Variants in SMARCA2 observed in about 807,000 individuals in gnomAD.
SMARCA2 encodes SWI/SNF-related matrix-associated actin-dependent regulator of chromatin subfamily A member 2.
SMARCA2 carries 61 observed loss-of-function variants against 199.8 expected under a neutral mutation model. The observed-to-expected ratio is 0.31, with a 90% CI of 0.25 to 0.38. SMARCA2 has a LOEUF of 0.38. SMARCA2 is among the 10% of genes least tolerant of loss of function. The probability of loss-of-function intolerance (pLI) is 1.00; values close to 1 mark genes in which losing one functional copy is unlikely to be tolerated. For missense variants in SMARCA2, 1,344 were observed against 2,012.2 expected, an observed-to-expected ratio of 0.67 and a Z score of 6.35; for synonymous variants, 935 against 732.0, an observed-to-expected ratio of 1.28 and a Z score of -4.48.
chr9:2,186,288 C>T (rs1173362577), intron 32 of SMARCA2, 60 bp downstream of exon 32: 2 of 1,528,014 alleles, frequency 1.3e-6, no homozygotes, highest in Non-Finnish European at 1.8e-6. Flanking sequence ...ATAGCTGTCT[C>T]CACAGATGTT....
At chr9:2,091,938 C>T (rs1425007100) in intron 19 of SMARCA2, among the ~76,000 whole-genome samples, 1 of 152,124 alleles carries the variant, frequency 6.6e-6, no homozygotes, top group Non-Finnish European at 1.5e-5. Flanking sequence ...AGGTCAACCG[C>T]ATAGGAAAAT....
At chr9:2,101,696 C>G (rs1822522808) in intron 22 of SMARCA2, 80 bp downstream of exon 22, 1 of 715,854 alleles carries the variant, frequency 1.4e-6, no homozygotes, top group South Asian at 1.8e-5. Flanking sequence ...AGTGTTTCCT[C>G]TTGTGCAAAT....
In SMARCA2 at chr9:2,077,746, C is replaced by G. The variant is rs565609955; in HGVS notation, c.2154C>G (p.Leu718=). Residue 718 remains leucine, a synonymous_variant, in exon 14 of 34, where the codon CTC becomes CTG. Coordinates refer to ENST00000349721, the MANE Select transcript of SMARCA2 (RefSeq NM_003070.5). ...AGAGGGTGGAGAAACAGTCTGCCCT[C>G]CTAATTAATGGGACCCTAAAGCATT... ...ISERVEKQSA[L]LINGTLKHYQ... The G allele has an allele frequency of 5.0e-6, 8 of 1,613,438 alleles. No individual in the cohort carries two copies. In the African/African-American group the frequency reaches 9.3e-5, roughly 19 times the overall value.
intron 6 of SMARCA2, among the ~76,000 whole-genome samples, chr9:2,055,857 C>T (rs539339283): frequency 3.9e-5 from 6 of 152,164 alleles, no homozygotes; most frequent in East Asian, 1.9e-4. Flanking sequence ...GTATATTTTC[C>T]GGAATATGTT....
intron 27 of SMARCA2, among the ~76,000 whole-genome samples, chr9:2,151,378 A>C (rs143141352): frequency 2.6e-5 from 4 of 151,718 alleles, no homozygotes; most frequent in African/African-American, 9.6e-5. Flanking sequence ...ATGAGATGTG[A>C]AAATGGCAAC....
chr9:2,032,898 T>G, intron 2 of SMARCA2, 54 bp from the exon 3 acceptor site: 2 of 1,546,970 alleles, frequency 1.3e-6, no homozygotes, highest in Non-Finnish European at 1.8e-6. Flanking sequence ...AAACTCCAAA[T>G]AGAAATATTT....
Position 2,170,471 on chromosome 9 carries a change from A to G in SMARCA2, c.4252A>G (p.Ser1418Gly), listed in dbSNP as rs1826188995. Residue 1418 changes from serine (S) to glycine (G), a missense_variant and splice_region_variant, in exon 29 of 34, where the codon AGT becomes GGT. By Grantham distance (56) the Ser-to-Gly change is moderately conservative. This residue lies in a region of SMARCA2 where 151 missense variants were observed against 154.0 expected (regional missense o/e 0.98). Coordinates refer to ENST00000349721, the MANE Select transcript of SMARCA2 (RefSeq NM_003070.5). This position sits in a 1 kb window ranked among gnomAD's most constrained non-coding sequence, Gnocchi z 4.7. ...SNSQLEIEGN[S>G]SGRQLSEVFI... ...TTCTCAGTTGGAAATAGAAGGAAACAGGTCAGGATCTGTCTTGTATTCCCC... is the reference window on the plus strand; with the variant it reads ...TTCTCAGTTGGAAATAGAAGGAAACGGGTCAGGATCTGTCTTGTATTCCCC... 5 of 1,614,004 alleles carry G rather than the reference A, an allele frequency of 3.1e-6. No individual in the cohort carries two copies. Among genetic ancestry groups the G allele is most frequent in the Non-Finnish European group, 4.2e-6 (5 of 1,179,990 alleles).
At chr9:2,121,010 A>T (rs1823435685) in intron 26 of SMARCA2, among the ~76,000 whole-genome samples, 1 of 152,216 alleles carries the variant, frequency 6.6e-6, no homozygotes, top group Non-Finnish European at 1.5e-5. Context: ...TTACTGGGGA[A>T]CACCCAAGCA....
Position 2,058,294 on chromosome 9 carries a change from T to C in SMARCA2, c.1351T>C (p.Tyr451His). ...ERKRRQKHQE[Y>H]LNSILQHAKD... ...CTTCCCTTTTTGGATCTTCTAGGAA[T>C]ACCTGAACAGTATTTTGCAACATGC... Residue 451 changes from tyrosine to histidine, a missense_variant, in exon 8 of 34, where the codon TAC becomes CAC. Tyr to His is a moderately conservative substitution (Grantham distance 83, BLOSUM62 2). Coordinates refer to ENST00000349721, the MANE Select transcript of SMARCA2 (RefSeq NM_003070.5). 1.2e-6 allele frequency: 2 copies of C among 1,613,930 alleles called. No homozygotes were observed. The highest frequency in any genetic ancestry group is 1.7e-6 in the Non-Finnish European group (2 of 1,179,774).
chr9:2,082,305 AGG>A (rs1563756105), intron 15 of SMARCA2, among the ~76,000 whole-genome samples: 1 of 114,542 alleles, frequency 8.7e-6, no homozygotes, highest in Non-Finnish European at 1.8e-5. Flanking sequence ...CAAAGGGGAA[AGG>A]TGTGTGTGTG....
At chr9:2,191,604 T>A in intron 33 of SMARCA2, 196 bp downstream of exon 33, 1 of 497,194 alleles carries the variant, frequency 2.0e-6, no homozygotes. Context: ...CTTTGTTTAT[T>A]GCCTTTTTAA....
In SMARCA2 at chr9:2,060,118, C is replaced by CAAAAA. The variant is rs372329238; in HGVS notation, c.1522-670_1522-666dup. On this transcript the variant is annotated intron_variant, in intron 8 of 33. Transcript: ENST00000349721. Reference sequence around the variant, plus strand: ...CCATTACTCAGTGCAGATCTGTGGCCAAAAAAAAAAAAAAAAAAAAAAAAA... The same window carrying CAAAAA: ...CCATTACTCAGTGCAGATCTGTGGCCAAAAAAAAAAAAAAAAAAAAAAAAAAAAAA... Among the ~76,000 whole-genome samples the CAAAAA allele has an allele frequency of 6.4e-3, 401 of 62,362 alleles. 18 individuals are homozygous for CAAAAA. The highest frequency in any genetic ancestry group is 0.017 in the African/African-American group (381 of 22,508). The allele number at this position is 62,362 out of a possible 152,430, so 40.9% of individuals were successfully genotyped here. A position where few individuals can be genotyped will look rare whatever the true frequency, so the allele number is the denominator to read the frequency against.
intron 2 of SMARCA2, among the ~76,000 whole-genome samples, chr9:2,029,755 A>G (rs1201592647): frequency 6.6e-6 from 1 of 152,224 alleles, no homozygotes; most frequent in Non-Finnish European, 1.5e-5. Context: ...TAAAATGCAC[A>G]TTGCTGTCTC....
At chr9:2,076,599 C>T (rs1288272030) in intron 13 of SMARCA2, among the ~76,000 whole-genome samples, 1 of 151,910 alleles carries the variant, frequency 6.6e-6, no homozygotes, top group Non-Finnish European at 1.5e-5. Flanking sequence ...CCACCTCCAG[C>T]TCAGGCTCAC....
chr9:2,039,499 C>A lies in SMARCA2; in HGVS notation c.389C>A (p.Ala130Asp), dbSNP rs758603765. The change falls in exon 4 of 34, where the codon GCC becomes GAC. Residue 130 changes from alanine (A) to aspartate (D), a missense_variant. Transcript: ENST00000349721. This position sits in a 1 kb window ranked among gnomAD's most constrained non-coding sequence, Gnocchi z 4.8. ...TCACCACACCCATCTCCATTAGGAG[C>A]CCCAGAGCACGTCTCCAGCCCTATG... is the stretch of plus-strand genomic sequence containing the variant. ...YMSPHPSPLG[A>D]PEHVSSPMSG... is the part of the protein sequence containing the mutation. 2 of 1,614,056 alleles carry A rather than the reference C, an allele frequency of 1.2e-6. No individual in the cohort carries two copies. The highest frequency in any genetic ancestry group is 2.2e-5 in the East Asian group (1 of 44,880).
intron 10 of SMARCA2, among the ~76,000 whole-genome samples, 198 bp downstream of exon 10, chr9:2,070,669 C>G (rs1289721718): frequency 1.3e-5 from 2 of 152,210 alleles, no homozygotes; most frequent in African/African-American, 4.8e-5. Context: ...ACATGTCAGA[C>G]TGTCAATCAA....
intron 27 of SMARCA2, among the ~76,000 whole-genome samples, chr9:2,139,390 G>A (rs550817806): frequency 1.2e-4 from 18 of 152,256 alleles, no homozygotes; most frequent in South Asian, 1.0e-3. Flanking sequence ...GTGGAAAATG[G>A]TCCTCATGTG....
chr9:2,032,927 A>G, intron 2 of SMARCA2, 25 bp from the exon 3 acceptor site: 3 of 1,608,868 alleles, frequency 1.9e-6, no homozygotes, highest in South Asian at 2.2e-5. Flanking sequence ...AGAGGTGTCT[A>G]ACTAATGTCC....
chr9:2,029,374 T>G, intron 2 of SMARCA2, 127 bp downstream of exon 2: 1 of 1,302,840 alleles, frequency 7.7e-7, no homozygotes, highest in Non-Finnish European at 1.0e-6. Flanking sequence ...CTTGTATATC[T>G]CATATATTAT....
Sources: allele counts gnomAD v4.1 joint callset (sites outside exome capture counted in the v4.1 genomes callset), GRCh38; gene constraint gnomAD v4.1.1; regional missense constraint gnomAD v4.1.1; non-coding constraint Gnocchi (gnomAD v3.1); transcripts MANE v1.5; gene names NCBI Gene and HGNC (gene_info 2026-07-23, HGNC 2026-07-21).